The following CYB5R4 variants were observed in gnomAD, a reference collection of about 807,000 sequenced individuals.
The protein encoded by CYB5R4 is cytochrome b5 reductase 4, also known as N-terminal cytochrome b5 and cytochrome b5 oxidoreductase domain-containing protein.
A neutral mutation model predicts 70.2 loss-of-function variants in CYB5R4; 55 were observed. The ratio of observed to expected loss-of-function variants is 0.78; its 90% CI spans 0.63 to 0.98. CYB5R4 has a LOEUF of 0.98. Ranked by LOEUF, CYB5R4 falls within the 50% of genes least tolerant of loss-of-function variation. CYB5R4 has a pLI of 0.00. For missense variants in CYB5R4, 562 were observed against 612.6 expected, an observed-to-expected ratio of 0.92 and a Z score of 0.87; for synonymous variants, 197 against 199.5, an observed-to-expected ratio of 0.99 and a Z score of 0.11.
Position 83,959,861 on chromosome 6 carries a change from CA to C in CYB5R4, c.1550del (p.His517LeufsTer22), listed in dbSNP as rs754867826. The stretch of plus-strand genomic sequence containing the variant: ...TCTCAACTTTTCCAAAAATGAGATC[CA>C]TAGTTTTACAGCATAATGAAGAGCT... ...HDLNFSKNEIHSFTA is the reference protein window; with the variant it reads ...HDLNFSKNEIXSFTA On this transcript the variant is annotated frameshift_variant, in exon 16 of 16. Coordinates refer to ENST00000369681, the MANE Select transcript of CYB5R4 (RefSeq NM_016230.4). LOFTEE classifies it high-confidence loss of function. 4 of 1,598,618 alleles carry C rather than the reference CA, an allele frequency of 2.5e-6. No individual in the cohort carries two copies. The African/African-American group carries it at 5.4e-5, about 21-fold the overall frequency.
chr6:83,906,630 C>T (rs1040156287), intron 3 of CYB5R4, among the ~76,000 whole-genome samples: 7 of 152,182 alleles, frequency 4.6e-5, no homozygotes, highest in African/African-American at 1.7e-4. Flanking sequence ...ACTTCCTTTT[C>T]ATTTCTTGCT....
At chr6:83,924,644 A>T in intron 10 of CYB5R4, 52 bp downstream of exon 10, 1 of 1,575,202 alleles carries the variant, frequency 6.3e-7, no homozygotes, top group Non-Finnish European at 8.7e-7. Context: ...AATTGTTGTT[A>T]GTTGTACAGT....
intron 15 of CYB5R4, among the ~76,000 whole-genome samples, chr6:83,955,867 A>T (rs1047492081): frequency 4.6e-5 from 7 of 152,160 alleles, no homozygotes; most frequent in African/African-American, 1.7e-4. Context: ...AGTGAAAGTA[A>T]ATAATATATG....
chr6:83,959,688 G>GT (rs2099473018), intron 15 of CYB5R4, 136 bp from the exon 16 acceptor site: 7 of 715,072 alleles, frequency 9.8e-6, no homozygotes, highest in African/African-American at 1.9e-5. Flanking sequence ...AGGTGATAGT[G>GT]TTTTTTTATT....
At chr6:83,906,201 A>G (rs2099463748) in intron 3 of CYB5R4, among the ~76,000 whole-genome samples, 1 of 152,166 alleles carries the variant, frequency 6.6e-6, no homozygotes, top group Admixed American at 6.5e-5. Context: ...GAATGAACGT[A>G]CCAGCTGTTC....
chr6:83,900,748 T>C (rs1226308062), intron 3 of CYB5R4, among the ~76,000 whole-genome samples: 3 of 152,190 alleles, frequency 2.0e-5, no homozygotes, highest in African/African-American at 7.2e-5. Context: ...TTTTGATCTT[T>C]GTTGGTTTAA....
chr6:83,924,556 A>G lies in CYB5R4; in HGVS notation c.778A>G (p.Lys260Glu). 6.2e-7 allele frequency: 1 copy of G among 1,613,682 alleles called. No individual in the cohort carries two copies. Among genetic ancestry groups the G allele is most frequent in the Non-Finnish European group, 8.5e-7 (1 of 1,179,728 alleles). ...TTGGGACTTTCTTGGCCATCCCCTG[A>G]AGAATCATAATTCACTTATTCCAAG... Reference protein sequence around the residue: ...TSWDFLGHPLKNHNSLIPRKD... With the variant: ...TSWDFLGHPLENHNSLIPRKD... Residue 260 changes from lysine (K) to glutamate (E), a missense_variant, in exon 10 of 16, where the codon AAG (lysine) becomes GAG (glutamate). By Grantham distance (56) the Lys-to-Glu change is moderately conservative. Transcript: ENST00000369681.
At position 83,859,720 on chromosome 6, in the gene CYB5R4, A is replaced by C; in HGVS notation, c.-63A>C. On this transcript the variant is annotated 5_prime_UTR_variant, in exon 1 of 16. Transcript: ENST00000369681. ...GGCCTCTGCCCGGCCACAGAGCCGG[A>C]GCTGGAGGTGCTGTCCCGTCTGGCG... 1 of 1,572,538 alleles carries C rather than the reference A, an allele frequency of 6.4e-7. No individual in the cohort carries two copies. Among genetic ancestry groups the C allele is most frequent in the Non-Finnish European group, 8.7e-7 (1 of 1,149,242 alleles).
At chr6:83,896,434 C>A (rs1277173151) in intron 3 of CYB5R4, among the ~76,000 whole-genome samples, 2 of 152,100 alleles carry the variant, frequency 1.3e-5, no homozygotes, top group East Asian at 3.9e-4. Flanking sequence ...GCTTTGCACC[C>A]TTCCCTGCCT....
At chr6:83,873,806 G>A (rs1030110994) in intron 2 of CYB5R4, among the ~76,000 whole-genome samples, 2 of 152,116 alleles carry the variant, frequency 1.3e-5, no homozygotes, top group African/African-American at 4.8e-5. Flanking sequence ...CAGTCTGTTA[G>A]GTGTTGTTAA....
At chr6:83,946,325 C>T (rs193100304) in intron 14 of CYB5R4, among the ~76,000 whole-genome samples, 3 of 152,246 alleles carry the variant, frequency 2.0e-5, no homozygotes, top group East Asian at 3.9e-4. Flanking sequence ...ACAAAAACCA[C>T]GTGATGATCT....
intron 1 of CYB5R4, among the ~76,000 whole-genome samples, chr6:83,862,205 T>G (rs1055852779): frequency 6.6e-5 from 10 of 152,248 alleles, no homozygotes; most frequent in African/African-American, 2.2e-4. Context: ...CTACTTGTCC[T>G]GAGGCTTTTA....
rs546005649 is a variant in CYB5R4, at chr6:83,941,159, T to C, written c.1346+558T>C. 2.6e-4 allele frequency among the ~76,000 whole-genome samples: 39 copies of C among 152,216 alleles called. No individual in the cohort carries two copies. In the South Asian group the frequency reaches 8.1e-3, roughly 32 times the overall value. On this transcript the variant is annotated intron_variant, in intron 14 of 15. Coordinates refer to ENST00000369681, the MANE Select transcript of CYB5R4 (RefSeq NM_016230.4). ...CTTTGGGAAGTGCTGGTACAGATAATAGAAAAAAGTTCTAGTCAAGCTGAA... is the reference window on the plus strand; with the variant it reads ...CTTTGGGAAGTGCTGGTACAGATAACAGAAAAAAGTTCTAGTCAAGCTGAA...
intron 3 of CYB5R4, among the ~76,000 whole-genome samples, chr6:83,905,088 CCT>C (rs1300138221): frequency 6.6e-6 from 1 of 151,890 alleles, no homozygotes; most frequent in Non-Finnish European, 1.5e-5. Context: ...AGAATCTCAC[CCT>C]GTTACCCAGG....
intron 7 of CYB5R4, among the ~76,000 whole-genome samples, chr6:83,919,749 T>G (rs1201219116): frequency 6.9e-6 from 1 of 145,082 alleles, no homozygotes; most frequent in Non-Finnish European, 1.5e-5. Flanking sequence ...GGAAGTATTT[T>G]ATGTGTTTTT....
chr6:83,961,371 T>C lies in CYB5R4; in HGVS notation c.*1493T>C, dbSNP rs2099473312. On this transcript the variant is annotated 3_prime_UTR_variant, in exon 16 of 16. Coordinates refer to ENST00000369681, the MANE Select transcript of CYB5R4 (RefSeq NM_016230.4). The stretch of plus-strand genomic sequence containing the variant: ...ATTTGGCTCTGTGTCCTCACCCAAA[T>C]CTCCTCTCAAATTGTAATTCCCACA... 1 of 151,810 alleles carries C rather than the reference T, an allele frequency of 6.6e-6. No homozygotes were observed. The highest frequency in any genetic ancestry group is 1.5e-5 in the Non-Finnish European group (1 of 67,978). 9.4% of individuals were successfully genotyped at this position (151,810 alleles called of 1,614,324 possible).
chr6:83,870,923 G>C (rs531725655), intron 2 of CYB5R4, among the ~76,000 whole-genome samples: 1 of 143,258 alleles, frequency 7.0e-6, no homozygotes, highest in African/African-American at 2.6e-5. Context: ...CTGCCTGGAA[G>C]AAAATCAACA....
intron 10 of CYB5R4, among the ~76,000 whole-genome samples, chr6:83,924,933 G>A (rs573977629): frequency 9.9e-4 from 151 of 152,162 alleles, no homozygotes; most frequent in African/African-American, 3.5e-3. Context: ...TGCTTTGTAT[G>A]TCTGCTTGAT....
At chr6:83,916,307 C>A (rs2099465506) in intron 5 of CYB5R4, among the ~76,000 whole-genome samples, 4 of 152,040 alleles carry the variant, frequency 2.6e-5, no homozygotes, top group Admixed American at 2.0e-4. Flanking sequence ...CATACAAGAT[C>A]AATGTTGACT....
Sources: allele counts gnomAD v4.1 joint callset (sites outside exome capture counted in the v4.1 genomes callset), GRCh38; gene constraint gnomAD v4.1.1; transcripts MANE v1.5; gene names NCBI Gene and HGNC (gene_info 2026-07-23, HGNC 2026-07-21).